Variants in ADAMTSL3 observed in about 807,000 individuals in gnomAD.
ADAMTSL3 encodes the protein ADAMTS like 3, also known as ADAMTS-like protein 3.
ADAMTSL3 carries 128 observed loss-of-function variants against 201.7 expected under a neutral mutation model. The observed-to-expected ratio is 0.63, with a 90% CI of 0.55 to 0.73. ADAMTSL3 has a LOEUF of 0.73. Ranked by LOEUF, ADAMTSL3 falls within the 30% of genes least tolerant of loss-of-function variation. ADAMTSL3 has a pLI of 0.00. For synonymous variants in ADAMTSL3, 738 were observed against 748.4 expected (o/e 0.99, Z 0.23); for missense variants, 1,990 against 2,119.6 (o/e 0.94, Z 1.20).
intron 19 of ADAMTSL3, among the ~76,000 whole-genome samples, chr15:83,952,276 T>C (rs906243772): frequency 6.6e-6 from 1 of 152,210 alleles, no homozygotes; most frequent in Non-Finnish European, 1.5e-5. Flanking sequence ...AAAATTTCTC[T>C]TGTTATTGAT....
intron 3 of ADAMTSL3, among the ~76,000 whole-genome samples, chr15:83,745,986 A>ATGCC (rs879333223): frequency 1.2e-4 from 19 of 152,228 alleles, no homozygotes; most frequent in Non-Finnish European, 2.6e-4. Context: ...CAGGGAACAT[A>ATGCC]ATGCCATGCC....
intron 5 of ADAMTSL3, among the ~76,000 whole-genome samples, chr15:83,815,420 G>A (rs930193027): frequency 2.0e-5 from 3 of 151,838 alleles, no homozygotes; most frequent in African/African-American, 7.3e-5. Flanking sequence ...TTTTTTGTGT[G>A]TTCTCCCTAG....
chr15:83,921,624 G>T (rs2066144519), intron 16 of ADAMTSL3, among the ~76,000 whole-genome samples: 1 of 152,178 alleles, frequency 6.6e-6, no homozygotes, highest in South Asian at 2.1e-4. Context: ...TGGCTCTGCT[G>T]CTTCTCTTGG....
At chr15:83,859,707 C>A (rs891075221) in intron 8 of ADAMTSL3, among the ~76,000 whole-genome samples, 1 of 151,974 alleles carries the variant, frequency 6.6e-6, no homozygotes, top group African/African-American at 2.4e-5. Flanking sequence ...TTGGGTACCC[C>A]CAACTATTCT....
rs955218285 is a variant in ADAMTSL3 at position 83,661,838 on chromosome 15, G to A, written c.69+6008G>A. On this transcript the variant is annotated intron_variant, in intron 2 of 29. Coordinates refer to ENST00000286744, the MANE Select transcript of ADAMTSL3 (RefSeq NM_207517.3). ...CATGAAAAAATGCTCATCATCACTG[G>A]CCATCAGAGAAATGCAAATCAAAAC... 4.7e-3 allele frequency among the ~76,000 whole-genome samples: 704 copies of A among 149,300 alleles called. 10 individuals are homozygous for A. The highest frequency in any genetic ancestry group is 0.016 in the African/African-American group (658 of 40,250).
chr15:83,896,858 A>C (rs2065625497), intron 13 of ADAMTSL3, among the ~76,000 whole-genome samples: 2 of 152,158 alleles, frequency 1.3e-5, no homozygotes, highest in Non-Finnish European at 2.9e-5. Context: ...GGCCTCAGGA[A>C]ACTTACAGTG....
At chr15:83,677,549 T>A (rs1464764906) in intron 2 of ADAMTSL3, among the ~76,000 whole-genome samples, 1 of 152,172 alleles carries the variant, frequency 6.6e-6, no homozygotes, top group South Asian at 2.1e-4. Flanking sequence ...TGAGGTTTAC[T>A]TTATCTAATA....
intron 23 of ADAMTSL3, among the ~76,000 whole-genome samples, chr15:83,994,214 A>C (rs1294467352): frequency 6.6e-6 from 1 of 152,286 alleles, no homozygotes; most frequent in Non-Finnish European, 1.5e-5. Flanking sequence ...CTGCCTGGAA[A>C]GATTAGAGAT....
At chr15:83,915,126 G>A (rs181960672) in intron 16 of ADAMTSL3, among the ~76,000 whole-genome samples, 7 of 152,296 alleles carry the variant, frequency 4.6e-5, no homozygotes, top group Non-Finnish European at 8.8e-5. Flanking sequence ...TAGAGACTTG[G>A]AGCTGTGTCT....
chr15:83,870,880 C>T lies in ADAMTSL3; in HGVS notation c.881C>T (p.Thr294Ile). The T allele has an allele frequency of 6.2e-7, 1 of 1,613,350 alleles. No individual in the cohort carries two copies. The highest frequency in any genetic ancestry group is 1.1e-5 in the South Asian group (1 of 90,896). The change falls in exon 9 of 30, where the codon ACA becomes ATA. Residue 294 changes from threonine to isoleucine, a missense_variant. Physicochemically the swap from Thr to Ile is moderately conservative, Grantham distance 89. Coordinates refer to ENST00000286744, the MANE Select transcript of ADAMTSL3 (RefSeq NM_207517.3). ...CCCGGCGTCTTTCTCGTAGAAAACA[C>T]AACAGTGGAATTTCAGAGGGGCTCC... Reference protein sequence around the residue: ...NSPGVFLVENTTVEFQRGSER... With the variant: ...NSPGVFLVENITVEFQRGSER...
At chr15:83,850,426 G>A (rs2064587442) in intron 7 of ADAMTSL3, among the ~76,000 whole-genome samples, 1 of 151,208 alleles carries the variant, frequency 6.6e-6, no homozygotes, top group Non-Finnish European at 1.5e-5. Context: ...ATACATATGT[G>A]TGTATATACA....
intron 13 of ADAMTSL3, among the ~76,000 whole-genome samples, chr15:83,895,737 AT>A (rs1355038057): frequency 6.6e-6 from 1 of 150,800 alleles, no homozygotes; most frequent in African/African-American, 2.4e-5. Flanking sequence ...TTTTGGGTGA[AT>A]TTTTTTCTTT....
At chr15:83,989,072 C>T (rs559762900) in intron 22 of ADAMTSL3, among the ~76,000 whole-genome samples, 72 of 151,768 alleles carry the variant, frequency 4.7e-4, no homozygotes, top group Non-Finnish European at 8.7e-4. Context: ...TTAGTAGAGA[C>T]GGGGTTTCAC....
At chr15:83,932,393 A>T (rs2066374975) in intron 17 of ADAMTSL3, among the ~76,000 whole-genome samples, 1 of 152,252 alleles carries the variant, frequency 6.6e-6, no homozygotes, top group Non-Finnish European at 1.5e-5. Flanking sequence ...GACAGTTGTC[A>T]GTCTCAGTAA....
intron 9 of ADAMTSL3, among the ~76,000 whole-genome samples, chr15:83,880,915 T>A (rs1320114053): frequency 6.6e-6 from 1 of 152,136 alleles, no homozygotes; most frequent in Non-Finnish European, 1.5e-5. Context: ...ATATCTATTT[T>A]TTTTCACTTT....
chr15:83,666,897 A>G (rs188842574), intron 2 of ADAMTSL3, among the ~76,000 whole-genome samples: 159 of 151,960 alleles, frequency 1.0e-3, no homozygotes, highest in Non-Finnish European at 2.0e-3. Context: ...CTTCATATGT[A>G]TGCCCCATTT....
At chr15:83,747,857 A>G (rs149548071) in intron 3 of ADAMTSL3, among the ~76,000 whole-genome samples, 2 of 151,434 alleles carry the variant, frequency 1.3e-5, no homozygotes, top group Non-Finnish European at 2.9e-5. Flanking sequence ...ATTTCAGAAC[A>G]TGGGTCATCC....
At chr15:83,698,396 C>T (rs1201630902) in intron 2 of ADAMTSL3, among the ~76,000 whole-genome samples, 1 of 152,094 alleles carries the variant, frequency 6.6e-6, no homozygotes, top group South Asian at 2.1e-4. Context: ...ATTCATAGTC[C>T]CTGGAGGTGC....
chr15:83,879,708 G>C (rs2065237447), intron 9 of ADAMTSL3, among the ~76,000 whole-genome samples: 1 of 152,110 alleles, frequency 6.6e-6, no homozygotes, highest in African/African-American at 2.4e-5. Flanking sequence ...TCTGTTGTTG[G>C]ATACAATGTT....
Sources: allele counts gnomAD v4.1 joint callset (sites outside exome capture counted in the v4.1 genomes callset), GRCh38; gene constraint gnomAD v4.1.1; transcripts MANE v1.5; gene names NCBI Gene and HGNC (gene_info 2026-07-23, HGNC 2026-07-21).